Variants in EIF5B observed in about 807,000 individuals in gnomAD.
EIF5B encodes the protein eIF-5B.
Under a neutral mutation model 147.5 loss-of-function variants are expected in EIF5B, and 47 were observed. That is an observed-to-expected ratio of 0.32 (90% CI 0.25 to 0.41). The LOEUF is 0.41. EIF5B is among the 10% of genes least tolerant of loss of function. The probability of loss-of-function intolerance (pLI) is 1.00; values close to 1 mark genes in which losing one functional copy is unlikely to be tolerated. For synonymous variants in EIF5B, 455 were observed against 456.2 expected, an observed-to-expected ratio of 1.00 and a Z score of 0.03; for missense variants, 1,064 against 1,413.2, an observed-to-expected ratio of 0.75 and a Z score of 3.96.
At position 99,379,399 on chromosome 2, in the gene EIF5B, A is replaced by G; in HGVS notation, c.2032A>G (p.Ile678Val). 1 of 1,613,130 alleles carries G rather than the reference A, an allele frequency of 6.2e-7. No individual in the cohort carries two copies. Among genetic ancestry groups the G allele is most frequent in the Non-Finnish European group, 8.5e-7 (1 of 1,179,422 alleles). Residue 678 changes from isoleucine (I) to valine (V), a missense_variant, in exon 12 of 24, where the codon ATT becomes GTT. Ile to Val is a conservative substitution (Grantham distance 29, BLOSUM62 3). This residue lies in a region of EIF5B where 380 missense variants were observed against 715.6 expected (regional missense o/e 0.53). Transcript: ENST00000289371. ...GGCCACCAATGTTCCTCTTGAAGCT[A>G]TTAATGAACAGACTAAGATGATTAA... ...IGATNVPLEA[I>V]NEQTKMIKNF...
chr2:99,395,692 A>G (rs1675030010), intron 21 of EIF5B, among the ~76,000 whole-genome samples: 1 of 152,154 alleles, frequency 6.6e-6, no homozygotes, highest in South Asian at 2.1e-4. Context: ...TGAAAAACCA[A>G]ATAAAGCAGG....
At chr2:99,354,601 G>C (rs1674053233) in intron 1 of EIF5B, among the ~76,000 whole-genome samples, 1 of 152,042 alleles carries the variant, frequency 6.6e-6, no homozygotes, top group South Asian at 2.1e-4. Flanking sequence ...AGATCTGAAA[G>C]ATATTTTACT....
intron 14 of EIF5B, among the ~76,000 whole-genome samples, chr2:99,384,201 A>AAAAAAAAAAG (rs1674752448): frequency 6.6e-6 from 1 of 151,042 alleles, no homozygotes; most frequent in African/African-American, 2.4e-5. Context: ...CGTCTCAAAA[A>AAAAAAAAAAG]AAAAAAGAAT....
At chr2:99,360,868 T>C in intron 3 of EIF5B, among the ~76,000 whole-genome samples, 1 of 152,218 alleles carries the variant, frequency 6.6e-6, no homozygotes, top group East Asian at 1.9e-4. Flanking sequence ...TTTTTTCTTC[T>C]TTCAACTTGT....
intron 9 of EIF5B, among the ~76,000 whole-genome samples, chr2:99,375,239 A>G (rs749201391): frequency 3.3e-5 from 5 of 152,196 alleles, no homozygotes; most frequent in East Asian, 1.9e-4. Flanking sequence ...TGCTATTTTT[A>G]TAGCTGGATA....
At position 99,400,256 on chromosome 2, in the gene EIF5B, T is replaced by A. The variant is rs962779989; in HGVS notation, c.*842T>A. The A allele has an allele frequency of 8.5e-5, 13 of 152,252 alleles. No individual in the cohort carries two copies. Among genetic ancestry groups the A allele is most frequent in the Non-Finnish European group, 1.8e-4 (12 of 68,042 alleles). The allele number at this position is 152,252 out of a possible 1,614,324, so 9.4% of individuals were successfully genotyped here. A position where few individuals can be genotyped will look rare whatever the true frequency, so the allele number is the denominator to read the frequency against. On this transcript the variant is annotated 3_prime_UTR_variant, in exon 24 of 24. Transcript: ENST00000289371. ...CTTGATCTGTTTTAGTAGAGATTTT[T>A]ATACATTAATCTTGATCTGTTTTAA...
rs1491555384 is a variant in EIF5B at position 99,338,937 on chromosome 2, T to TATATATATATATATATATACACAC, written c.35+1349_35+1350insTATATATATATATATATACACACA. 2.2e-5 allele frequency among the ~76,000 whole-genome samples: 3 copies of TATATATATATATATATATACACAC among 134,672 alleles called. No homozygotes were observed. In the South Asian group the frequency reaches 6.8e-4, roughly 30 times the overall value. 88.4% of individuals were successfully genotyped at this position (134,672 alleles called of 152,430 possible). A position where few individuals can be genotyped will look rare whatever the true frequency, so the allele number is the denominator to read the frequency against. On this transcript the variant is annotated intron_variant, in intron 1 of 23. Coordinates refer to ENST00000289371, the MANE Select transcript of EIF5B (RefSeq NM_015904.4). ...AGAAGTGTGTGTATATATATATATATACAAATATATATACACACATATATA... is the reference window on the plus strand; with the variant it reads ...AGAAGTGTGTGTATATATATATATATATATATATATATATATATACACACACAAATATATATACACACATATATA...
intron 1 of EIF5B, among the ~76,000 whole-genome samples, chr2:99,356,816 A>G (rs758875234): frequency 6.6e-6 from 1 of 152,158 alleles, no homozygotes; most frequent in African/African-American, 2.4e-5. Context: ...AGCAACTCTG[A>G]TAGGTATATA....
chr2:99,369,796 G>A (rs1354758563), intron 8 of EIF5B, among the ~76,000 whole-genome samples: 1 of 152,174 alleles, frequency 6.6e-6, no homozygotes, highest in East Asian at 1.9e-4. Context: ...CTAACACGGT[G>A]AAACTCCATC....
At position 99,351,694 on chromosome 2, in the gene EIF5B, T is replaced by TG. The variant is rs1553533892; in HGVS notation, c.36-8542_36-8541insG. Among the ~76,000 whole-genome samples the TG allele has an allele frequency of 5.6e-3, 857 of 152,200 alleles. 10 individuals are homozygous for TG. The highest frequency in any genetic ancestry group is 0.018 in the African/African-American group (741 of 41,522). On this transcript the variant is annotated intron_variant, in intron 1 of 23. Transcript: ENST00000289371. ...GTAGTGACATATCATTGTGTTTTTT[T>TG]TTTGTTTGTTTGTTTGTTTTTGAGA...
At chr2:99,395,669 T>C in intron 21 of EIF5B, among the ~76,000 whole-genome samples, 1 of 152,104 alleles carries the variant, frequency 6.6e-6, no homozygotes, top group South Asian at 2.1e-4. Context: ...AATTGACACA[T>C]GTTGAGAAGT....
chr2:99,398,914 G>A lies in EIF5B; in HGVS notation c.3555+5G>A. ...ACAGATATTCTTGTTAGTAAGGTAAGTATTTCAGCAAAAGTGGCACACTTT... is the reference window on the plus strand; with the variant it reads ...ACAGATATTCTTGTTAGTAAGGTAAATATTTCAGCAAAAGTGGCACACTTT... On this transcript the variant is annotated splice_donor_5th_base_variant and intron_variant, in intron 23 of 23. Coordinates refer to ENST00000289371, the MANE Select transcript of EIF5B (RefSeq NM_015904.4). The A allele has an allele frequency of 6.2e-7, 1 of 1,611,330 alleles. No homozygotes were observed.
chr2:99,356,358 AT>A (rs1296808722), intron 1 of EIF5B, among the ~76,000 whole-genome samples: 10 of 152,238 alleles, frequency 6.6e-5, no homozygotes, highest in African/African-American at 2.4e-4. Context: ...GGAGTGGAAA[AT>A]TATGTTCCAC....
Position 99,361,048 on chromosome 2 carries a change from A to G in EIF5B, c.247-100A>G, listed in dbSNP as rs1038513866. The G allele has an allele frequency of 3.5e-6, 4 of 1,136,946 alleles. No individual in the cohort carries two copies. In the African/African-American group the frequency reaches 6.5e-5, roughly 18 times the overall value. The allele number at this position is 1,136,946 out of a possible 1,614,324, so 70.4% of individuals were successfully genotyped here. On this transcript the variant is annotated intron_variant, in intron 3 of 23. Coordinates refer to ENST00000289371, the MANE Select transcript of EIF5B (RefSeq NM_015904.4). ...AAAAGACTTTGAAAAAGATTTTGAA[A>G]TCATTTTGAGATTTTTAAAAAATGT...
In EIF5B at chr2:99,361,254, A is replaced by T. The variant is rs1308246091; in HGVS notation, c.353A>T (p.Asp118Val). Reference protein sequence around the residue: ...FDDNDSEELEDKDSKSKKTAK... With the variant: ...FDDNDSEELEVKDSKSKKTAK... Reference sequence around the variant, plus strand: ...GATAATGATAGCGAAGAATTGGAAGATAAAGATTCAAAATCAAAAAAGACT... The same window carrying T: ...GATAATGATAGCGAAGAATTGGAAGTTAAAGATTCAAAATCAAAAAAGACT... The change falls in exon 4 of 24, where the codon GAT (aspartate) becomes GTT (valine). Residue 118 changes from aspartate (D) to valine (V), a missense_variant. By Grantham distance (152) the Asp-to-Val change is radical. Coordinates refer to ENST00000289371, the MANE Select transcript of EIF5B (RefSeq NM_015904.4). 4 of 1,613,062 alleles carry T rather than the reference A, an allele frequency of 2.5e-6. No homozygotes were observed. The highest frequency in any genetic ancestry group is 3.4e-6 in the Non-Finnish European group (4 of 1,179,828).
Position 99,399,525 on chromosome 2 carries a change from T to C in EIF5B, c.*111T>C. 2.1e-6 allele frequency: 2 copies of C among 958,382 alleles called. No individual in the cohort carries two copies. Among genetic ancestry groups the C allele is most frequent in the East Asian group, 5.3e-5 (2 of 38,002 alleles). The allele number at this position is 958,382 out of a possible 1,614,324, so 59.4% of individuals were successfully genotyped here. ...GTATTTGGACACTGATGGACTTAAG[T>C]ATGGAAGGAAGAAAAATAGGTGTAT... On this transcript the variant is annotated 3_prime_UTR_variant, in exon 24 of 24. Coordinates refer to ENST00000289371, the MANE Select transcript of EIF5B (RefSeq NM_015904.4).
At chr2:99,364,472 G>A (rs1222959644) in intron 6 of EIF5B, 51 bp downstream of exon 6, 15 of 1,474,060 alleles carry the variant, frequency 1.0e-5, no homozygotes, top group Non-Finnish European at 1.4e-5. Context: ...TGCACATGCA[G>A]TTATATCCCT....
At chr2:99,338,924 A>G (rs75774885) in intron 1 of EIF5B, among the ~76,000 whole-genome samples, 49 of 17,702 alleles carry the variant, frequency 2.8e-3, no homozygotes, top group Non-Finnish European at 3.1e-3. Context: ...AAGTGTGTGT[A>G]TATATATATA....
intron 18 of EIF5B, 150 bp downstream of exon 18, chr2:99,393,248 A>T: frequency 1.8e-6 from 1 of 542,140 alleles, no homozygotes; most frequent in Non-Finnish European, 2.9e-6. Flanking sequence ...ATGCTTTTGA[A>T]TTACTTCAGT....
Sources: gnomAD v4.1 joint callset for allele counts (sites outside exome capture counted in the v4.1 genomes callset) on GRCh38, gnomAD v4.1.1 for gene constraint, gnomAD v4.1.1 regional missense constraint, MANE v1.5 for transcripts, NCBI Gene and HGNC (gene_info 2026-07-23, HGNC 2026-07-21) for gene names.